ISG20L2: variants seen among roughly 807,000 people sequenced by gnomAD.
The protein encoded by ISG20L2 is interferon-stimulated 20 kDa exonuclease-like 2.
ISG20L2 carries 14 observed loss-of-function variants against 27.8 expected under a neutral mutation model. That is an observed-to-expected ratio of 0.50 (90% confidence interval 0.33 to 0.79). The LOEUF is 0.79. ISG20L2 is among the 30% of genes least tolerant of loss of function. The pLI is 0.02. For synonymous variants in ISG20L2, 157 were observed against 165.7 expected (o/e 0.95, Z 0.40); for missense variants, 393 against 435.1 (o/e 0.90, Z 0.86).
chr1:156,727,169 C>A lies in ISG20L2; in HGVS notation c.484G>T (p.Ala162Ser). 1 of 1,613,992 alleles carries A rather than the reference C, an allele frequency of 6.2e-7. No individual in the cohort carries two copies. The highest frequency in any genetic ancestry group is 8.5e-7 in the Non-Finnish European group (1 of 1,180,034). Reference protein sequence around the residue: ...QKNAPQNSTQAHSENKCSGAS... With the variant: ...QKNAPQNSTQSHSENKCSGAS... Reference sequence around the variant, plus strand: ...CCGGAGCATTTATTCTCTGAATGAGCTTGGGTGGAGTTCTGTGGGGCATTC... The same window carrying A: ...CCGGAGCATTTATTCTCTGAATGAGATTGGGTGGAGTTCTGTGGGGCATTC... Residue 162 changes from alanine (A) to serine (S), a missense_variant, in exon 2 of 4, where the codon GCT (alanine) becomes TCT (serine). Transcript: ENST00000368219.
chr1:156,727,838 C>G, intron 1 of ISG20L2, 69 bp from the exon 2 acceptor site: 1 of 1,407,248 alleles, frequency 7.1e-7, no homozygotes, highest in Non-Finnish European at 9.2e-7. Flanking sequence ...AGCTCGATCT[C>G]CGTAGGACTT....
rs1349779324 is a variant in ISG20L2 at position 156,726,414 on chromosome 1, TA to T, written c.747+491del. ...AGTTCCCCAGACCCAATTTAGAACC[TA>T]AAATAGTTTTTTTGTTTGTTTTTTT... On this transcript the variant is annotated intron_variant, in intron 2 of 3. Coordinates refer to ENST00000368219, the MANE Select transcript of ISG20L2 (RefSeq NM_001370150.2). The T allele has an allele frequency of 5.1e-6, 5 of 985,178 alleles. No individual in the cohort carries two copies. In the African/African-American group the frequency reaches 8.7e-5, roughly 17 times the overall value. The allele number at this position is 985,178 out of a possible 1,614,324, so 61.0% of individuals were successfully genotyped here.
At position 156,727,550 on chromosome 1, in the gene ISG20L2, A is replaced by T; in HGVS notation, c.103T>A (p.Leu35Ile). Reference sequence around the variant, plus strand: ...TTACTCAGAAAGCCTCTCCGTTCTAAGAGCCTCCGCTTCTTGACAAAATTT... The same window carrying T: ...TTACTCAGAAAGCCTCTCCGTTCTATGAGCCTCCGCTTCTTGACAAAATTT... ...HRNFVKKRRL[L>I]ERRGFLSKKN... The change falls in exon 2 of 4, where the codon TTA becomes ATA. Residue 35 changes from leucine to isoleucine, a missense_variant. Transcript: ENST00000368219. 2.5e-6 allele frequency: 4 copies of T among 1,614,190 alleles called. No homozygotes were observed. Among genetic ancestry groups the T allele is most frequent in the Non-Finnish European group, 3.4e-6 (4 of 1,180,036 alleles).
chr1:156,723,623 T>C, intron 3 of ISG20L2, 161 bp from the exon 4 acceptor site: 2 of 985,428 alleles, frequency 2.0e-6, no homozygotes, highest in Non-Finnish European at 2.4e-6. Context: ...ACTCCTTATG[T>C]AATTTCAGGG....
rs1469845707 is a variant in ISG20L2, at chr1:156,722,578, T to A, written c.*771A>T. ...ACCACGCCCGGCAGGGACCACACAA[T>A]TTATTAACCAACCAGGTTAATAAAT... On this transcript the variant is annotated 3_prime_UTR_variant, in exon 4 of 4. Transcript: ENST00000368219. 1 of 146,376 alleles carries A rather than the reference T, an allele frequency of 6.8e-6. No individual in the cohort carries two copies. Among genetic ancestry groups the A allele is most frequent in the East Asian group, 2.1e-4 (1 of 4,762 alleles). 9.1% of individuals were successfully genotyped at this position (146,376 alleles called of 1,614,324 possible). A position where few individuals can be genotyped will look rare whatever the true frequency, so the allele number is the denominator to read the frequency against.
At position 156,727,443 on chromosome 1, in the gene ISG20L2, A is replaced by T. The variant is rs760797318; in HGVS notation, c.210T>A (p.Thr70=). 2 of 1,614,040 alleles carry T rather than the reference A, an allele frequency of 1.2e-6. No homozygotes were observed. The change falls in exon 2 of 4, where the codon ACT becomes ACA. Residue 70 remains threonine (T), a synonymous_variant. Transcript: ENST00000368219. ...KKGETPTVDG[T]WKTPSFPKKK... is the part of the protein sequence containing the mutation. The stretch of plus-strand genomic sequence containing the variant: ...TTTTTGGGAAGGAAGGGGTCTTCCA[A>T]GTGCCATCGACCGTAGGAGTTTCCC...
rs899662469 is a variant in ISG20L2 at position 156,724,751 on chromosome 1, A to C, written c.748-403T>G. 3 of 984,974 alleles carry C rather than the reference A, an allele frequency of 3.0e-6. No homozygotes were observed. The African/African-American group carries it at 5.2e-5, about 17-fold the overall frequency. The allele number at this position is 984,974 out of a possible 1,614,324, so 61.0% of individuals were successfully genotyped here. A position where few individuals can be genotyped will look rare whatever the true frequency, so the allele number is the denominator to read the frequency against. Reference sequence around the variant, plus strand: ...CATGGCTGGGACCCGGGCTCCAGGGAGGCTAACAAAAGCCCAAAATTACAT... The same window carrying C: ...CATGGCTGGGACCCGGGCTCCAGGGCGGCTAACAAAAGCCCAAAATTACAT... On this transcript the variant is annotated intron_variant, in intron 2 of 3. Coordinates refer to ENST00000368219, the MANE Select transcript of ISG20L2 (RefSeq NM_001370150.2).
Position 156,727,272 on chromosome 1 carries a change from T to C in ISG20L2, c.381A>G (p.Pro127=). The C allele has an allele frequency of 6.2e-7, 1 of 1,614,174 alleles. No individual in the cohort carries two copies. The highest frequency in any genetic ancestry group is 8.5e-7 in the Non-Finnish European group (1 of 1,180,024). Residue 127 remains proline (P), a synonymous_variant, in exon 2 of 4, where the codon CCA becomes CCG. Transcript: ENST00000368219. ...DLLGEFQSAL[P]KINSHPTRSQ... The stretch of plus-strand genomic sequence containing the variant: ...AGCGGGTTGGGTGGCTATTGATCTT[T>C]GGAAGGGCACTCTGGAACTCCCCCA...
intron 3 of ISG20L2, 27 bp downstream of exon 3, chr1:156,724,121 G>T (rs753523353): frequency 1.3e-6 from 2 of 1,585,352 alleles, no homozygotes; most frequent in Non-Finnish European, 1.7e-6. Flanking sequence ...GTCCAAGATG[G>T]GGGCGGGGGA....
In ISG20L2 at chr1:156,726,969, C is replaced by A; in HGVS notation, c.684G>T (p.Arg228Ser). The A allele has an allele frequency of 1.2e-6, 2 of 1,614,242 alleles. No individual in the cohort carries two copies. The highest frequency in any genetic ancestry group is 1.7e-6 in the Non-Finnish European group (2 of 1,180,046). ...PPCHIVDYRTRWSGIRKQHMV... is the reference protein window; with the variant it reads ...PPCHIVDYRTSWSGIRKQHMV... Reference sequence around the variant, plus strand: ...TGTGCTGCTTCCGGATACCACTCCACCTGGTTCGGTAGTCCACAATGTGGC... The same window carrying A: ...TGTGCTGCTTCCGGATACCACTCCAACTGGTTCGGTAGTCCACAATGTGGC... The change falls in exon 2 of 4, where the codon AGG becomes AGT. Residue 228 changes from arginine (R) to serine (S), a missense_variant. This residue lies in a region of ISG20L2 where 171 missense variants were observed against 195.3 expected (regional missense o/e 0.88). Transcript: ENST00000368219.
In ISG20L2 at chr1:156,728,479, GAC is replaced by G; in HGVS notation, c.-184_-183del. The G allele has an allele frequency of 1.0e-6, 1 of 985,624 alleles. No individual in the cohort carries two copies. The highest frequency in any genetic ancestry group is 1.2e-6 in the Non-Finnish European group (1 of 829,944). 61.1% of individuals were successfully genotyped at this position (985,624 alleles called of 1,614,324 possible). On this transcript the variant is annotated 5_prime_UTR_variant, in exon 1 of 4. Coordinates refer to ENST00000368219, the MANE Select transcript of ISG20L2 (RefSeq NM_001370150.2). ...CCGGATGCGGAAATCGGTGCGCGCC[GAC>G]GAAGCCCGGGAAGGCAGGCGCGCGG...
intron 2 of ISG20L2, chr1:156,725,924 G>A: frequency 2.0e-6 from 2 of 985,518 alleles, no homozygotes; most frequent in Non-Finnish European, 2.4e-6. Context: ...TCCAGAGAGG[G>A]CAGAGTGTGG....
At chr1:156,728,098 A>G (rs1315963748) in intron 1 of ISG20L2, 23 of 993,782 alleles carry the variant, frequency 2.3e-5, no homozygotes, top group Non-Finnish European at 2.6e-5. Context: ...CGTGCGATCT[A>G]TACTCCGCCT....
chr1:156,726,478 A>G, intron 2 of ISG20L2: 1 of 920,758 alleles, frequency 1.1e-6, no homozygotes, highest in Non-Finnish European at 1.3e-6. Context: ...GCTGGAGTGC[A>G]GTGGCAGTGG....
Position 156,728,407 on chromosome 1 carries a change from A to C in ISG20L2, c.-118+8T>G. On this transcript the variant is annotated splice_region_variant and intron_variant, in intron 1 of 3. Transcript: ENST00000368219. The stretch of plus-strand genomic sequence containing the variant: ...GTACAGATCGATCTCTCACGCTCAC[A>C]AACCTACCTCCCAGACGGGTCCAGC... 1.0e-6 allele frequency: 1 copy of C among 985,608 alleles called. No individual in the cohort carries two copies. The highest frequency in any genetic ancestry group is 1.2e-6 in the Non-Finnish European group (1 of 829,940). The allele number at this position is 985,608 out of a possible 1,614,324, so 61.1% of individuals were successfully genotyped here.
chr1:156,725,869 ACCT>A, intron 2 of ISG20L2: 2 of 985,192 alleles, frequency 2.0e-6, no homozygotes, highest in Non-Finnish European at 2.4e-6. Context: ...CCTCTAACGA[ACCT>A]CCTCCAACTG....
At chr1:156,723,982 G>A in intron 3 of ISG20L2, 166 bp downstream of exon 3, 1 of 1,174,426 alleles carries the variant, frequency 8.5e-7, no homozygotes, top group Non-Finnish European at 1.2e-6. Flanking sequence ...AACATTCTAT[G>A]AGGTAGACAA....
In ISG20L2 at chr1:156,724,786, T is replaced by C. The variant is rs563169760; in HGVS notation, c.748-438A>G. On this transcript the variant is annotated intron_variant, in intron 2 of 3. Coordinates refer to ENST00000368219, the MANE Select transcript of ISG20L2 (RefSeq NM_001370150.2). ...AAGCCCAAAATTACATGCAATTAGATGTGTATGGGTACTAGAGGAAGAGAA... is the reference window on the plus strand; with the variant it reads ...AAGCCCAAAATTACATGCAATTAGACGTGTATGGGTACTAGAGGAAGAGAA... 1.2e-4 allele frequency: 61 copies of C among 508,166 alleles called. 1 individual carries two copies. The South Asian group carries it at 3.3e-3, about 27-fold the overall frequency. 31.5% of individuals were successfully genotyped at this position (508,166 alleles called of 1,614,324 possible). A position where few individuals can be genotyped will look rare whatever the true frequency, so the allele number is the denominator to read the frequency against.
At chr1:156,724,664 A>AGAT in intron 2 of ISG20L2, 1 of 1,107,644 alleles carries the variant, frequency 9.0e-7, no homozygotes. Context: ...CCATGTATTT[A>AGAT]GTTCAGTTCT....
Sources: allele counts gnomAD v4.1 joint callset, GRCh38; gene constraint gnomAD v4.1.1; regional missense constraint gnomAD v4.1.1; transcripts MANE v1.5; gene names NCBI Gene and HGNC (gene_info 2026-07-23, HGNC 2026-07-21).